Variants in SCLY observed in about 807,000 individuals in gnomAD.
SCLY encodes the protein putative selenocysteine lyase.
Under a neutral mutation model 50.1 loss-of-function variants are expected in SCLY, and 38 were observed. The ratio of observed to expected loss-of-function variants is 0.76; its 90% confidence interval spans 0.59 to 0.99. SCLY has a LOEUF of 0.99. Among genes scored for constraint, SCLY ranks in the 50% least tolerant of loss-of-function variants. SCLY has a pLI of 0.00. For missense variants in SCLY, 600 were observed against 620.0 expected (o/e 0.97, Z 0.34); for synonymous variants, 243 against 249.4 (o/e 0.97, Z 0.24).
At chr2:238,096,722 C>T (rs1241587984) in intron 10 of SCLY, 79 bp from the exon 11 acceptor site, 1 of 1,478,170 alleles carries the variant, frequency 6.8e-7, no homozygotes, top group Admixed American at 2.0e-5. Flanking sequence ...GCAGCCTGCG[C>T]CCAGCAGGAC....
chr2:238,070,004 C>T (rs1434582666), intron 4 of SCLY, among the ~76,000 whole-genome samples: 1 of 152,198 alleles, frequency 6.6e-6, no homozygotes, highest in Non-Finnish European at 1.5e-5. Context: ...GCACCCATGA[C>T]GCGAGGCCTC....
chr2:238,069,493 G>T lies in SCLY; in HGVS notation c.484+16G>T, dbSNP rs747176541. ...CAAGTGGCAGGTGAGTGAGTGCAGG[G>T]TGGCCCTGGGACCAGCCTGCTGAGC... On this transcript the variant is annotated intron_variant, in intron 4 of 11. Coordinates refer to ENST00000254663, the MANE Select transcript of SCLY (RefSeq NM_016510.7). This position sits in a 1 kb window ranked among gnomAD's most constrained non-coding sequence, Gnocchi z 5.0. 1.3e-6 allele frequency: 2 copies of T among 1,596,066 alleles called. No individual in the cohort carries two copies. Among genetic ancestry groups the T allele is most frequent in the South Asian group, 1.1e-5 (1 of 89,486 alleles).
intron 8 of SCLY, chr2:238,091,579 C>G (rs906438380): frequency 2.8e-6 from 1 of 356,430 alleles, no homozygotes; most frequent in African/African-American, 2.1e-5. Context: ...AGCCCCCGCA[C>G]CATCGACGTT....
chr2:238,094,849 A>G, intron 10 of SCLY: 1 of 305,526 alleles, frequency 3.3e-6, no homozygotes, highest in Non-Finnish European at 6.0e-6. Flanking sequence ...ACATTTGTCT[A>G]TTTTGTTGGC....
intron 9 of SCLY, chr2:238,094,162 T>G: frequency 1.6e-6 from 1 of 615,290 alleles, no homozygotes. Flanking sequence ...CATGATCTTT[T>G]TCAGAGACAC....
At chr2:238,068,209 T>C (rs768856404) in intron 3 of SCLY, 44 bp downstream of exon 3, 9 of 1,305,756 alleles carry the variant, frequency 6.9e-6, no homozygotes, top group Non-Finnish European at 9.7e-6. Flanking sequence ...CTGTAAGTTA[T>C]AATAAAATAC....
chr2:238,084,961 C>A (rs1226962658), intron 7 of SCLY, among the ~76,000 whole-genome samples: 2 of 150,146 alleles, frequency 1.3e-5, no homozygotes, highest in East Asian at 3.9e-4. Flanking sequence ...CATACCCCTT[C>A]TCCTGCCAGC....
At chr2:238,080,619 G>C (rs1185354774) in intron 4 of SCLY, 1 of 152,344 alleles carries the variant, frequency 6.6e-6, no homozygotes, top group African/African-American at 2.4e-5. Context: ...TTCCCTAGCA[G>C]ATGCCTCAAG....
chr2:238,094,388 C>A, intron 9 of SCLY, 32 bp from the exon 10 acceptor site: 1 of 1,555,278 alleles, frequency 6.4e-7, no homozygotes, highest in Non-Finnish European at 8.9e-7. Flanking sequence ...GTCTTTGAAG[C>A]TGTCACCAAA....
rs148884980 is a variant in SCLY, at chr2:238,069,404, T to C, written c.411T>C (p.His137=). 105 of 1,613,906 alleles carry C rather than the reference T, an allele frequency of 6.5e-5. No individual in the cohort carries two copies. The highest frequency in any genetic ancestry group is 8.5e-5 in the Non-Finnish European group (100 of 1,179,966). The change falls in exon 4 of 12, where the codon CAT becomes CAC. Residue 137 remains histidine, a synonymous_variant. Transcript: ENST00000254663. This position sits in a 1 kb window ranked among gnomAD's most constrained non-coding sequence, Gnocchi z 5.0. The part of the protein sequence containing the change: ...HHSPVKGAKP[H]FITSSVEHDS... The stretch of plus-strand genomic sequence containing the variant: ...GCCCAGTGAAGGGGGCCAAGCCCCA[T>C]TTCATTACTTCCTCGGTGGAACACG...
chr2:238,068,843 T>C (rs1441230072), intron 3 of SCLY, among the ~76,000 whole-genome samples: 1 of 152,226 alleles, frequency 6.6e-6, no homozygotes, highest in African/African-American at 2.4e-5. Context: ...TCACTGTGAA[T>C]GTAGCTGTAG....
At chr2:238,086,261 T>C (rs1489836389) in intron 7 of SCLY, among the ~76,000 whole-genome samples, 1 of 152,210 alleles carries the variant, frequency 6.6e-6, no homozygotes, top group African/African-American at 2.4e-5. Flanking sequence ...TCTTTAGAGT[T>C]TTCTGAATTA....
chr2:238,086,822 C>T (rs888005748), intron 7 of SCLY, among the ~76,000 whole-genome samples: 3 of 151,724 alleles, frequency 2.0e-5, no homozygotes, highest in East Asian at 3.9e-4. Flanking sequence ...GAGTTTGAGA[C>T]CAGCCTGACC....
chr2:238,097,118 G>A (rs78710433), intron 11 of SCLY, among the ~76,000 whole-genome samples: 20,986 of 151,076 alleles, frequency 0.14, 1,587 homozygotes, highest in South Asian at 0.27. Context: ...AAGGCGGAGG[G>A]AGGGCAGGGC....
rs754559918 is a variant in SCLY at position 238,098,367 on chromosome 2, C to T, written c.*12C>T. The stretch of plus-strand genomic sequence containing the variant: ...AGGACCAGGCCTAGCACTGGGGCCG[C>T]CTTCCCCACCCCGCTTCTGGGAAGC... On this transcript the variant is annotated 3_prime_UTR_variant, in exon 12 of 12. Transcript: ENST00000254663. The T allele has an allele frequency of 5.1e-6, 8 of 1,579,042 alleles. No homozygotes were observed. The highest frequency in any genetic ancestry group is 3.4e-5 in the South Asian group (3 of 88,860).
chr2:238,075,856 G>A (rs2262426), intron 4 of SCLY, among the ~76,000 whole-genome samples: 130,880 of 152,080 alleles, frequency 0.86, 56,466 homozygotes, highest in East Asian at 0.97. Context: ...CTATTTTATT[G>A]ACTTCTACAC....
chr2:238,073,964 G>A (rs576778604), intron 4 of SCLY: 43 of 287,208 alleles, frequency 1.5e-4, no homozygotes, highest in Non-Finnish European at 2.6e-4. Flanking sequence ...AACTGCTTAC[G>A]TTATCAGTAA....
chr2:238,063,871 C>T lies in SCLY; in HGVS notation c.90-486C>T, dbSNP rs536914606. On this transcript the variant is annotated intron_variant, in intron 1 of 11. Transcript: ENST00000254663. ...CAGCAGTCAGATGGGTAATCTGGGC[C>T]CAACAGACCATTAATCCTACCAAGG... 8.5e-4 allele frequency among the ~76,000 whole-genome samples: 130 copies of T among 152,282 alleles called. 1 individual carries two copies. Among genetic ancestry groups the T allele is most frequent in the African/African-American group, 3.1e-3 (128 of 41,548 alleles).
At chr2:238,062,500 C>G (rs2065027705) in intron 1 of SCLY, among the ~76,000 whole-genome samples, 1 of 152,098 alleles carries the variant, frequency 6.6e-6, no homozygotes, top group Non-Finnish European at 1.5e-5. Context: ...ACATCCACTG[C>G]CCGGGTTCAA....
Sources: gnomAD v4.1 joint callset for allele counts (sites outside exome capture counted in the v4.1 genomes callset) on GRCh38, gnomAD v4.1.1 for gene constraint, Gnocchi (gnomAD v3.1) non-coding constraint, MANE v1.5 for transcripts, NCBI Gene and HGNC (gene_info 2026-07-23, HGNC 2026-07-21) for gene names.